Variants in ALDH16A1 observed in about 807,000 individuals in gnomAD.
ALDH16A1 encodes aldehyde dehydrogenase family 16 member A1.
Under a neutral mutation model 96.1 loss-of-function variants are expected in ALDH16A1, and 88 were observed. The ratio of observed to expected loss-of-function variants is 0.92; its 90% CI spans 0.77 to 1.09. The LOEUF (loss-of-function observed/expected upper bound fraction) is 1.09. Ranked by LOEUF, ALDH16A1 falls within the 50% of genes least tolerant of loss-of-function variation. ALDH16A1 has a pLI of 0.00. For missense variants in ALDH16A1, 1,250 were observed against 1,112.6 expected (o/e 1.12, Z -1.76); for synonymous variants, 522 against 496.4 (o/e 1.05, Z -0.69).
rs377353223 is a variant in ALDH16A1 at position 49,461,818 on chromosome 19, G to A, written c.759+18G>A. 6 of 1,607,576 alleles carry A rather than the reference G, an allele frequency of 3.7e-6. No individual in the cohort carries two copies. The highest frequency in any genetic ancestry group is 5.1e-6 in the Non-Finnish European group (6 of 1,177,360). On this transcript the variant is annotated intron_variant, in intron 6 of 16. Transcript: ENST00000293350. ...CCCCGGAGGTACCTTCGGGACAGGG[G>A]TCGTGGCGGAACGCGGCTGGGGGCC... is the stretch of plus-strand genomic sequence containing the variant.
chr19:49,468,441 G>T lies in ALDH16A1; in HGVS notation c.1999G>T (p.Val667Leu). 6.2e-7 allele frequency: 1 copy of T among 1,601,446 alleles called. No homozygotes were observed. Among genetic ancestry groups the T allele is most frequent in the Non-Finnish European group, 8.5e-7 (1 of 1,179,778 alleles). ...GGAGCCGCTGGGTGTGCTGGCTGTG[G>T]TGTGTCCGGACGAGTGGCCCCTGCT... is the stretch of plus-strand genomic sequence containing the variant. Reference protein sequence around the residue: ...LREPLGVLAVVCPDEWPLLAF... With the variant: ...LREPLGVLAVLCPDEWPLLAF... Residue 667 changes from valine to leucine, a missense_variant, in exon 15 of 17, where the codon GTG becomes TTG. Transcript: ENST00000293350. The surrounding 1 kb of genome is among the most constrained non-coding windows in gnomAD (Gnocchi z 4.4).
At chr19:49,462,506 T>C (rs563481927) in intron 7 of ALDH16A1, 64 bp from the exon 8 acceptor site, 774 of 1,551,542 alleles carry the variant, frequency 5.0e-4, no homozygotes, top group Admixed American at 8.0e-4. Context: ...CTGTCTTCAC[T>C]CTTCAGATCA....
Position 49,459,174 on chromosome 19 carries a change from C to A in ALDH16A1, c.320+88C>A, listed in dbSNP as rs923525660. The A allele has an allele frequency of 8.5e-6, 13 of 1,523,842 alleles. No individual in the cohort carries two copies. Among genetic ancestry groups the A allele is most frequent in the Admixed American group, 2.0e-5 (1 of 50,178 alleles). 94.4% of individuals were successfully genotyped at this position (1,523,842 alleles called of 1,614,324 possible). On this transcript the variant is annotated intron_variant, in intron 3 of 16. Coordinates refer to ENST00000293350, the MANE Select transcript of ALDH16A1 (RefSeq NM_153329.4). The surrounding 1 kb of genome is among the most constrained non-coding windows in gnomAD (Gnocchi z 4.1). ...GGAACAAAGGCTATTTCCCAAGATC[C>A]CACTGAATTAATTTGCAGCTAAGGC... is the stretch of plus-strand genomic sequence containing the variant.
Position 49,468,773 on chromosome 19 carries a change from A to T in ALDH16A1, c.2125-91A>T. 7.2e-7 allele frequency: 1 copy of T among 1,395,002 alleles called. No homozygotes were observed. The highest frequency in any genetic ancestry group is 9.8e-7 in the Non-Finnish European group (1 of 1,019,028). The allele number at this position is 1,395,002 out of a possible 1,614,324, so 86.4% of individuals were successfully genotyped here. ...GGGGCTTTCTCCTCCATGACCCCCC[A>T]TCCCCTTCCCTCCCATGGGCACCCC... is the stretch of plus-strand genomic sequence containing the variant. On this transcript the variant is annotated intron_variant, in intron 15 of 16. Transcript: ENST00000293350. This position sits in a 1 kb window ranked among gnomAD's most constrained non-coding sequence, Gnocchi z 4.4.
chr19:49,464,744 G>T lies in ALDH16A1; in HGVS notation c.1550G>T (p.Gly517Val). Reference protein sequence around the residue: ...GLAVPSTLPAGPEIGPSPAPP... With the variant: ...GLAVPSTLPAVPEIGPSPAPP... Reference sequence around the variant, plus strand: ...GCTGTTCCCTCAACCCTGCCGGCTGGGCCTGAAATAGGGCCCAGGTGAGTC... The same window carrying T: ...GCTGTTCCCTCAACCCTGCCGGCTGTGCCTGAAATAGGGCCCAGGTGAGTC... The change falls in exon 12 of 17, where the codon GGG becomes GTG. Residue 517 changes from glycine to valine, a missense_variant. Transcript: ENST00000293350. 1 of 1,614,088 alleles carries T rather than the reference G, an allele frequency of 6.2e-7. No individual in the cohort carries two copies. Among genetic ancestry groups the T allele is most frequent in the South Asian group, 1.1e-5 (1 of 91,086 alleles).
chr19:49,453,571 C>G (rs1391442908), intron 1 of ALDH16A1, 150 bp downstream of exon 1: 24 of 695,216 alleles, frequency 3.5e-5, no homozygotes, highest in Non-Finnish European at 5.7e-5. Context: ...GGATCGCGCC[C>G]TGTAGGACGC....
chr19:49,464,556 C>G (rs766049631), intron 11 of ALDH16A1, 34 bp downstream of exon 11: 1 of 1,613,154 alleles, frequency 6.2e-7, no homozygotes, highest in Admixed American at 1.7e-5. Flanking sequence ...CCAGCCCCCC[C>G]GCCGCCCCAT....
chr19:49,462,037 G>T lies in ALDH16A1; in HGVS notation c.912+1G>T. 1.3e-6 allele frequency: 2 copies of T among 1,539,904 alleles called. No individual in the cohort carries two copies. Among genetic ancestry groups the T allele is most frequent in the Non-Finnish European group, 1.7e-6 (2 of 1,147,362 alleles). Reference sequence around the variant, plus strand: ...CGCCGCCTGGTCCGACCGCGGCCCGGTGAGACCCGTGCGCTCCCGTCTCCT... The same window carrying T: ...CGCCGCCTGGTCCGACCGCGGCCCGTTGAGACCCGTGCGCTCCCGTCTCCT... On this transcript the variant is annotated splice_donor_variant, in intron 7 of 16. Transcript: ENST00000293350. LOFTEE classifies it high-confidence loss of function.
Position 49,460,880 on chromosome 19 carries a change from T to A in ALDH16A1, c.558T>A (p.Ile186=). The part of the protein sequence containing the change: ...TFSFLEMMWR[I]CPALAVGCTV... ...CCTTCCTTGAGATGATGTGGAGGAT[T>A]TGCCCTGCCCTGGCTGTGGGTAAAT... The change falls in exon 5 of 17, where the codon ATT becomes ATA. Residue 186 remains isoleucine, a synonymous_variant. Coordinates refer to ENST00000293350, the MANE Select transcript of ALDH16A1 (RefSeq NM_153329.4). The A allele has an allele frequency of 2.5e-6, 4 of 1,613,622 alleles. No homozygotes were observed. The highest frequency in any genetic ancestry group is 3.4e-6 in the Non-Finnish European group (4 of 1,179,968).
Position 49,460,910 on chromosome 19 carries a change from G to T in ALDH16A1, c.577+11G>T. The stretch of plus-strand genomic sequence containing the variant: ...CTGCCCTGGCTGTGGGTAAATGATG[G>T]CCTGGGGGGTCCTGACTCTTGGGTC... On this transcript the variant is annotated intron_variant, in intron 5 of 16. Transcript: ENST00000293350. 6.2e-7 allele frequency: 1 copy of T among 1,611,840 alleles called. No homozygotes were observed. Among genetic ancestry groups the T allele is most frequent in the Non-Finnish European group, 8.5e-7 (1 of 1,178,862 alleles).
chr19:49,461,287 T>G (rs1156232932), intron 5 of ALDH16A1, among the ~76,000 whole-genome samples: 10 of 134,358 alleles, frequency 7.4e-5, no homozygotes, highest in Non-Finnish European at 1.1e-4. Flanking sequence ...GAGGAGGGGC[T>G]GGGACCTGGA....
intron 2 of ALDH16A1, 27 bp downstream of exon 2, chr19:49,458,615 G>C: frequency 1.3e-6 from 2 of 1,547,576 alleles, no homozygotes; most frequent in Non-Finnish European, 1.8e-6. Flanking sequence ...AGTCATTAGT[G>C]GAAGGGAGGT....
chr19:49,456,040 C>T (rs1438898127), intron 1 of ALDH16A1, among the ~76,000 whole-genome samples: 2 of 152,204 alleles, frequency 1.3e-5, no homozygotes, highest in East Asian at 3.8e-4. Flanking sequence ...TTCCATGAAT[C>T]GTTAAGCTCC....
At chr19:49,469,081 G>T in intron 16 of ALDH16A1, 95 bp downstream of exon 16, 1 of 1,491,130 alleles carries the variant, frequency 6.7e-7, no homozygotes, top group Non-Finnish European at 9.0e-7. Flanking sequence ...TAGAACTCCT[G>T]TTGGTAAGGG....
chr19:49,459,063 C>T lies in ALDH16A1; in HGVS notation c.297C>T (p.Val99=), dbSNP rs2079122406. 6.2e-6 allele frequency: 10 copies of T among 1,613,016 alleles called. No individual in the cohort carries two copies. The highest frequency in any genetic ancestry group is 1.1e-5 in the South Asian group (1 of 91,072). The change falls in exon 3 of 17, where the codon GTC becomes GTT. Residue 99 remains valine, a synonymous_variant. Transcript: ENST00000293350. This position sits in a 1 kb window ranked among gnomAD's most constrained non-coding sequence, Gnocchi z 4.1. ...AGGGCTGGAGTGCGCACCCCGGCGT[C>T]GTCCGGGCCCAGCACCTGACCAGGT... The part of the protein sequence containing the change: ...AFKGWSAHPG[V]VRAQHLTRLA...
In ALDH16A1 at chr19:49,465,879, G is replaced by A; in HGVS notation, c.1710G>A (p.Val570=). The A allele has an allele frequency of 1.2e-6, 2 of 1,614,086 alleles. No homozygotes were observed. Among genetic ancestry groups the A allele is most frequent in the Middle Eastern group, 1.6e-4 (1 of 6,062 alleles). Reference sequence around the variant, plus strand: ...GAGCCAAGGACATCCGAGGTGCTGTGGAGGCCGCTCACCAGGCTTTCCCTG... The same window carrying A: ...GAGCCAAGGACATCCGAGGTGCTGTAGAGGCCGCTCACCAGGCTTTCCCTG... ...EGGAKDIRGA[V]EAAHQAFPGW... is the part of the protein sequence containing the mutation. Residue 570 remains valine (V), a synonymous_variant, in exon 13 of 17, where the codon GTG becomes GTA. Coordinates refer to ENST00000293350, the MANE Select transcript of ALDH16A1 (RefSeq NM_153329.4).
At chr19:49,460,601 A>C (rs983920995) in intron 4 of ALDH16A1, among the ~76,000 whole-genome samples, 6 of 150,356 alleles carry the variant, frequency 4.0e-5, no homozygotes, top group African/African-American at 1.5e-4. Context: ...TTTAGTGGAG[A>C]TGGGGTTTTT....
chr19:49,463,940 C>T lies in ALDH16A1; in HGVS notation c.1185C>T (p.Ala395=). 1 of 1,609,686 alleles carries T rather than the reference C, an allele frequency of 6.2e-7. No homozygotes were observed. The highest frequency in any genetic ancestry group is 8.5e-7 in the Non-Finnish European group (1 of 1,177,612). The change falls in exon 9 of 17, where the codon GCC becomes GCT. Residue 395 remains alanine, a synonymous_variant. Coordinates refer to ENST00000293350, the MANE Select transcript of ALDH16A1 (RefSeq NM_153329.4). ...ACCTGCCCCCAGCCTCCCCATGTGC[C>T]CAGGTGGAGGTGAGACCCTTAAGGC... is the stretch of plus-strand genomic sequence containing the variant. ...VSNLPPASPC[A]QVEVPWPVVV...
intron 1 of ALDH16A1, among the ~76,000 whole-genome samples, chr19:49,456,222 G>A (rs2079104033): frequency 6.6e-6 from 1 of 152,086 alleles, no homozygotes; most frequent in Non-Finnish European, 1.5e-5. Context: ...ATTTATCCCA[G>A]CGCTGTTTCC....
Sources: gnomAD v4.1 joint callset for allele counts (sites outside exome capture counted in the v4.1 genomes callset) on GRCh38, gnomAD v4.1.1 for gene constraint, Gnocchi (gnomAD v3.1) non-coding constraint, MANE v1.5 for transcripts, NCBI Gene and HGNC (gene_info 2026-07-23, HGNC 2026-07-21) for gene names.